Variants in MRPL50 observed in about 807,000 individuals in gnomAD.
MRPL50 encodes the protein large ribosomal subunit protein mL50.
In MRPL50, 10 loss-of-function variants were observed where a neutral mutation model predicts 16.2. That is an observed-to-expected ratio of 0.62 (90% confidence interval 0.38 to 1.05). MRPL50 has a LOEUF of 1.05. Ranked by LOEUF, MRPL50 falls within the 50% of genes least tolerant of loss-of-function variation. MRPL50 has a pLI of 0.01. For missense variants in MRPL50, 213 were observed against 187.1 expected, an observed-to-expected ratio of 1.14 and a Z score of -0.81; for synonymous variants, 68 against 66.8, an observed-to-expected ratio of 1.02 and a Z score of -0.09.
intron 1 of MRPL50, among the ~76,000 whole-genome samples, chr9:101,392,456 A>T (rs924051171): frequency 7.2e-5 from 11 of 152,060 alleles, no homozygotes; most frequent in Non-Finnish European, 1.3e-4. Flanking sequence ...AAAAAAGGAG[A>T]TATTACACTG....
At chr9:101,397,949 G>GA (rs1406520683) in intron 1 of MRPL50, among the ~76,000 whole-genome samples, 1 of 152,216 alleles carries the variant, frequency 6.6e-6, no homozygotes, top group Non-Finnish European at 1.5e-5. Context: ...GTGACTTTGG[G>GA]AAAATCACTT....
intron 1 of MRPL50, among the ~76,000 whole-genome samples, chr9:101,398,248 A>G (rs1564064494): frequency 6.6e-6 from 1 of 152,180 alleles, no homozygotes; most frequent in Non-Finnish European, 1.5e-5. Context: ...CTTAATAAAT[A>G]AATGAATGAG....
At position 101,390,759 on chromosome 9, in the gene MRPL50, G is replaced by C. The variant is rs771740951; in HGVS notation, c.184C>G (p.Pro62Ala). The C allele has an allele frequency of 6.2e-7, 1 of 1,613,544 alleles. No homozygotes were observed. The highest frequency in any genetic ancestry group is 8.5e-7 in the Non-Finnish European group (1 of 1,179,684). The change falls in exon 2 of 2, where the codon CCA (proline) becomes GCA (alanine). Residue 62 changes from proline to alanine, a missense_variant. Pro to Ala is a conservative substitution (Grantham distance 27, BLOSUM62 -1). Transcript: ENST00000374865. ...CPPLRSRAYT[P>A]PEDLQSRLES... ...AAACGACTCTGGAGATCTTCAGGTG[G>C]TGTGTATGCTCGGCTTCGTAAAGGT...
At chr9:101,398,050 T>G (rs990902218) in intron 1 of MRPL50, among the ~76,000 whole-genome samples, 8 of 152,066 alleles carry the variant, frequency 5.3e-5, no homozygotes, top group Non-Finnish European at 1.2e-4. Context: ...GCGCTTAGAG[T>G]AATGCTGGCC....
chr9:101,393,547 TAA>T (rs983780068), intron 1 of MRPL50, among the ~76,000 whole-genome samples: 12 of 151,972 alleles, frequency 7.9e-5, no homozygotes, highest in African/African-American at 2.7e-4. Flanking sequence ...TAGAAAAACC[TAA>T]ATATCCACCA....
chr9:101,389,474 T>C lies in MRPL50; in HGVS notation c.*992A>G. 7.8e-7 allele frequency: 1 copy of C among 1,287,544 alleles called. No homozygotes were observed. Among genetic ancestry groups the C allele is most frequent in the Non-Finnish European group, 1.0e-6 (1 of 987,586 alleles). The allele number at this position is 1,287,544 out of a possible 1,614,324, so 79.8% of individuals were successfully genotyped here. On this transcript the variant is annotated 3_prime_UTR_variant, in exon 2 of 2. Coordinates refer to ENST00000374865, the MANE Select transcript of MRPL50 (RefSeq NM_019051.3). Reference sequence around the variant, plus strand: ...TATTCCCAACTGAATTTTGCCCTCTTCAAAGGAGTAACCCTGGGAAAGAGA... The same window carrying C: ...TATTCCCAACTGAATTTTGCCCTCTCCAAAGGAGTAACCCTGGGAAAGAGA...
In MRPL50 at chr9:101,391,599, C is replaced by T. The variant is rs189421848; in HGVS notation, c.93-749G>A. Among the ~76,000 whole-genome samples, 156 of 152,164 alleles carry T rather than the reference C, an allele frequency of 1.0e-3. 1 individual carries two copies. Among genetic ancestry groups the T allele is most frequent in the African/African-American group, 3.7e-3 (152 of 41,532 alleles). On this transcript the variant is annotated intron_variant, in intron 1 of 1. Transcript: ENST00000374865. ...CTATAAGAGATAAAGAAGGTCATTA[C>T]ATAATCATAATGAGGTCAATTCAGC...
rs201275711 is a variant in MRPL50, at chr9:101,390,313, G to GA, written c.*152dup. The GA allele has an allele frequency of 3.3e-3, 4,343 of 1,319,630 alleles. 6 individuals carry two copies. The highest frequency in any genetic ancestry group is 3.7e-3 in the Non-Finnish European group (3,848 of 1,029,918). The allele number at this position is 1,319,630 out of a possible 1,614,324, so 81.7% of individuals were successfully genotyped here. On this transcript the variant is annotated 3_prime_UTR_variant, in exon 2 of 2. Coordinates refer to ENST00000374865, the MANE Select transcript of MRPL50 (RefSeq NM_019051.3). ...CGTTATTTGTCCATTTGTAATATGA[G>GA]AAAAAAAAAGATGATACATTCCTCT...
Position 101,398,555 on chromosome 9 carries a change from A to C in MRPL50, c.38T>G (p.Val13Gly), listed in dbSNP as rs764105481. 3 of 1,613,562 alleles carry C rather than the reference A, an allele frequency of 1.9e-6. No homozygotes were observed. Among genetic ancestry groups the C allele is most frequent in the Middle Eastern group, 1.7e-4 (1 of 6,040 alleles). Residue 13 changes from valine (V) to glycine (G), a missense_variant, in exon 1 of 2, where the codon GTC (valine) becomes GGC (glycine). By Grantham distance (109) the Val-to-Gly change is moderately radical. Transcript: ENST00000374865. ...ARSVSGITRR[V>G]FMWTVSGTPC... is the part of the protein sequence containing the mutation. ...TGTCCCTGAGACTGTCCACATGAAG[A>C]CTCTTCTGGTAATGCCCGACACAGA... is the stretch of plus-strand genomic sequence containing the variant.
chr9:101,395,560 A>G (rs1830328332), intron 1 of MRPL50, among the ~76,000 whole-genome samples: 1 of 152,168 alleles, frequency 6.6e-6, no homozygotes, highest in Admixed American at 6.5e-5. Context: ...CCGTACATAT[A>G]CTCAATGGAA....
chr9:101,391,572 A>G (rs2118130440), intron 1 of MRPL50, among the ~76,000 whole-genome samples: 1 of 152,262 alleles, frequency 6.6e-6, no homozygotes. Context: ...TCAAGTCAAA[A>G]ACTATAAGAG....
chr9:101,394,195 G>A (rs1830310929), intron 1 of MRPL50, among the ~76,000 whole-genome samples: 1 of 152,076 alleles, frequency 6.6e-6, no homozygotes, highest in African/African-American at 2.4e-5. Context: ...GCTTTTGTAG[G>A]ACTAACAAAT....
rs1830251695 is a variant in MRPL50, at chr9:101,390,249, T to C, written c.*217A>G. The C allele has an allele frequency of 8.0e-7, 1 of 1,253,308 alleles. No individual in the cohort carries two copies. Among genetic ancestry groups the C allele is most frequent in the Non-Finnish European group, 1.0e-6 (1 of 998,626 alleles). The allele number at this position is 1,253,308 out of a possible 1,614,324, so 77.6% of individuals were successfully genotyped here. ...TTTCATAAATAATGACCTAATTTCATTTAAAAAATGGTTTCAGCAAATATG... is the reference window on the plus strand; with the variant it reads ...TTTCATAAATAATGACCTAATTTCACTTAAAAAATGGTTTCAGCAAATATG... On this transcript the variant is annotated 3_prime_UTR_variant, in exon 2 of 2. Transcript: ENST00000374865.
chr9:101,394,151 T>C (rs1298941778), intron 1 of MRPL50, among the ~76,000 whole-genome samples: 1 of 152,180 alleles, frequency 6.6e-6, no homozygotes, highest in Non-Finnish European at 1.5e-5. Context: ...AGCCTTTTTC[T>C]GAAAAGACCT....
intron 1 of MRPL50, 125 bp from the exon 2 acceptor site, chr9:101,390,975 G>A (rs1830263647): frequency 7.5e-6 from 8 of 1,067,462 alleles, no homozygotes; most frequent in Non-Finnish European, 1.1e-5. Context: ...CTGAGAGTAG[G>A]AAAGAATATG....
chr9:101,394,751 G>A (rs140338446), intron 1 of MRPL50, among the ~76,000 whole-genome samples: 5 of 152,210 alleles, frequency 3.3e-5, no homozygotes, highest in Middle Eastern at 3.4e-3. Context: ...ACGACTTCTT[G>A]AGTAAGACCT....
chr9:101,395,833 TAGAGAAGAGG>T (rs368157159), intron 1 of MRPL50, among the ~76,000 whole-genome samples: 10,416 of 152,232 alleles, frequency 0.068, 472 homozygotes, highest in South Asian at 0.14. Context: ...GTAATACAGT[TAGAGAAGAGG>T]ACTACAGCTA....
chr9:101,394,069 C>T (rs1830309551), intron 1 of MRPL50, among the ~76,000 whole-genome samples: 1 of 151,116 alleles, frequency 6.6e-6, no homozygotes, highest in Non-Finnish European at 1.5e-5. Context: ...CTTGTTCATT[C>T]CTGGGCATAG....
At chr9:101,393,444 TG>T (rs1222929107) in intron 1 of MRPL50, among the ~76,000 whole-genome samples, 3 of 152,130 alleles carry the variant, frequency 2.0e-5, no homozygotes, top group Non-Finnish European at 4.4e-5. Context: ...ATTTGATATA[TG>T]ATCTTACGTA....
Sources: gnomAD v4.1 joint callset for allele counts (sites outside exome capture counted in the v4.1 genomes callset) on GRCh38, gnomAD v4.1.1 for gene constraint, MANE v1.5 for transcripts, NCBI Gene and HGNC (gene_info 2026-07-23, HGNC 2026-07-21) for gene names.